TXK: variants seen among roughly 807,000 people sequenced by gnomAD.
TXK encodes TXK tyrosine kinase, also known as tyrosine-protein kinase TXK.
A neutral mutation model predicts 81.0 loss-of-function variants in TXK; 60 were observed. The observed-to-expected ratio is 0.74, with a 90% confidence interval of 0.60 to 0.92. TXK has a LOEUF of 0.92. Among genes scored for constraint, TXK ranks in the 40% least tolerant of loss-of-function variants. TXK has a pLI of 0.00. For synonymous variants in TXK, 203 were observed against 210.7 expected (o/e 0.96, Z 0.32); for missense variants, 581 against 638.3 (o/e 0.91, Z 0.97).
In TXK at chr4:48,113,237, C is replaced by T. The variant is rs200958317; in HGVS notation, c.144G>A (p.Pro48=). 11 of 1,613,324 alleles carry T rather than the reference C, an allele frequency of 6.8e-6. No homozygotes were observed. In the East Asian group the frequency reaches 1.3e-4, roughly 20 times the overall value. ...LPEKYTQRRR[P]WLSQLSNKKQ... is the part of the protein sequence containing the mutation. Reference sequence around the variant, plus strand: ...TCTTATTTGACAATTGGCTGAGCCACGGCCTGCGACGCTGGGTGTATTTTT... The same window carrying T: ...TCTTATTTGACAATTGGCTGAGCCATGGCCTGCGACGCTGGGTGTATTTTT... The change falls in exon 3 of 15, where the codon CCG becomes CCA. Residue 48 remains proline, a synonymous_variant. Transcript: ENST00000264316.
chr4:48,105,084 T>C, intron 5 of TXK, 129 bp from the exon 6 acceptor site: 1 of 590,880 alleles, frequency 1.7e-6, no homozygotes, highest in South Asian at 2.4e-5. Flanking sequence ...TTTTTTAAAT[T>C]CAGATAAACA....
chr4:48,120,428 C>G (rs900948706), intron 1 of TXK, among the ~76,000 whole-genome samples: 1 of 151,160 alleles, frequency 6.6e-6, no homozygotes, highest in Non-Finnish European at 1.5e-5. Context: ...AAACAAACTA[C>G]GCGTGATCTT....
At chr4:48,073,806 C>G (rs1716956023) in intron 13 of TXK, 129 bp downstream of exon 13, 2 of 648,518 alleles carry the variant, frequency 3.1e-6, no homozygotes, top group Non-Finnish European at 5.3e-6. Flanking sequence ...TTAGAACACA[C>G]AGAAGGAAGC....
chr4:48,068,282 T>C (rs1197802491), intron 14 of TXK, among the ~76,000 whole-genome samples: 1 of 152,034 alleles, frequency 6.6e-6, no homozygotes, highest in African/African-American at 2.4e-5. Flanking sequence ...ACTTGACATG[T>C]GTGAGGTAAA....
At chr4:48,117,275 G>C (rs1415515688) in intron 1 of TXK, among the ~76,000 whole-genome samples, 1 of 152,182 alleles carries the variant, frequency 6.6e-6, no homozygotes, top group Non-Finnish European at 1.5e-5. Flanking sequence ...TGGAGGAGGT[G>C]CCCAAATATC....
intron 1 of TXK, 28 bp from the exon 2 acceptor site, chr4:48,114,430 T>G: frequency 6.2e-7 from 1 of 1,612,636 alleles, no homozygotes; most frequent in Non-Finnish European, 8.5e-7. Flanking sequence ...TCTCAGCTGT[T>G]AGAAAGCCAT....
intron 5 of TXK, 130 bp downstream of exon 5, chr4:48,110,408 C>T (rs184277855): frequency 2.0e-5 from 13 of 651,452 alleles, no homozygotes; most frequent in African/African-American, 7.4e-5. Flanking sequence ...AAGGATCAAA[C>T]GTCTCTTTAT....
chr4:48,074,878 CAAAG>C (rs1007387111), intron 12 of TXK, among the ~76,000 whole-genome samples: 5 of 151,930 alleles, frequency 3.3e-5, no homozygotes, highest in African/African-American at 1.2e-4. Flanking sequence ...TAACAGAAAA[CAAAG>C]AGAGAAAAGC....
intron 1 of TXK, among the ~76,000 whole-genome samples, chr4:48,120,218 C>CATATATACGTATATATGTAT (rs1305227444): frequency 1.1e-5 from 1 of 91,676 alleles, no homozygotes; most frequent in African/African-American, 2.8e-5. Flanking sequence ...TATATATGTA[C>CATATATACGTATATATGTAT]ATATATACGT....
chr4:48,100,623 G>A lies in TXK; in HGVS notation c.501+4278C>T, dbSNP rs1718157396. ...ATAAATTGATACAACTCCTACTGAG[G>A]ACATTTCAATACCTGTTAAAATTAG... On this transcript the variant is annotated intron_variant, in intron 6 of 14. Coordinates refer to ENST00000264316, the MANE Select transcript of TXK (RefSeq NM_003328.3). 7.9e-5 allele frequency among the ~76,000 whole-genome samples: 12 copies of A among 152,228 alleles called. No homozygotes were observed. The South Asian group carries it at 2.5e-3, about 32-fold the overall frequency.
chr4:48,111,031 C>T (rs1334498953), intron 4 of TXK, among the ~76,000 whole-genome samples: 3 of 152,196 alleles, frequency 2.0e-5, no homozygotes, highest in African/African-American at 2.4e-5. Flanking sequence ...TCCTTGAACA[C>T]GCCTTCTTGT....
chr4:48,134,057 G>C, intron 1 of TXK, 98 bp downstream of exon 1: 1 of 1,369,282 alleles, frequency 7.3e-7, no homozygotes, highest in South Asian at 1.3e-5. Context: ...ATGTCCCCAA[G>C]CTCTATGCCT....
At chr4:48,070,802 C>T (rs1716816202) in intron 14 of TXK, among the ~76,000 whole-genome samples, 1 of 151,586 alleles carries the variant, frequency 6.6e-6, no homozygotes, top group South Asian at 2.1e-4. Flanking sequence ...TGGTCTCAAA[C>T]TCCTGACCTC....
intron 1 of TXK, among the ~76,000 whole-genome samples, chr4:48,133,316 G>A (rs73136299): frequency 0.024 from 3,645 of 152,022 alleles, 159 homozygotes; most frequent in African/African-American, 0.085. Flanking sequence ...AGTGTCTAGG[G>A]AATCTTTCTC....
Position 48,086,473 on chromosome 4 carries a change from C to T in TXK, c.949G>A (p.Val317Met). Residue 317 changes from valine to methionine, a missense_variant, in exon 10 of 15, where the codon GTG (valine) becomes ATG (methionine). Val to Met is a conservative substitution (Grantham distance 21, BLOSUM62 1). Coordinates refer to ENST00000264316, the MANE Select transcript of TXK (RefSeq NM_003328.3). ...GGTGTTGTTTATACGTACATCATCA[C>T]TTTGGCCTCTTCAATGAAATCCTCT... Reference protein sequence around the residue: ...SEEDFIEEAKVMMKLSHSKLV... With the variant: ...SEEDFIEEAKMMMKLSHSKLV... 4 of 1,614,026 alleles carry T rather than the reference C, an allele frequency of 2.5e-6. No individual in the cohort carries two copies. The highest frequency in any genetic ancestry group is 2.2e-5 in the South Asian group (2 of 91,072).
intron 13 of TXK, among the ~76,000 whole-genome samples, chr4:48,072,936 T>G (rs1408262141): frequency 6.6e-6 from 1 of 152,118 alleles, no homozygotes; most frequent in Non-Finnish European, 1.5e-5. Context: ...TATGTTTTAA[T>G]TTTTTTGAGG....
rs554280994 is a variant in TXK at position 48,134,080 on chromosome 4, A to C, written c.16+75T>G. The C allele has an allele frequency of 2.4e-5, 37 of 1,561,634 alleles. No individual in the cohort carries two copies. The East Asian group carries it at 3.4e-4, about 14-fold the overall frequency. On this transcript the variant is annotated intron_variant, in intron 1 of 14. Coordinates refer to ENST00000264316, the MANE Select transcript of TXK (RefSeq NM_003328.3). ...AAGCTCTATGCCTTGGAAAAAAAAA[A>C]CTTCCTCTGCTGTTCAAGAATAACA...
In TXK at chr4:48,073,621, C is replaced by T. The variant is rs984045742; in HGVS notation, c.1357+314G>A. ...TACACTCTAAACAATGTCATAAGATCATTTTTCCTTCAAGCCTCTGCGGAG... is the reference window on the plus strand; with the variant it reads ...TACACTCTAAACAATGTCATAAGATTATTTTTCCTTCAAGCCTCTGCGGAG... On this transcript the variant is annotated intron_variant, in intron 13 of 14. Coordinates refer to ENST00000264316, the MANE Select transcript of TXK (RefSeq NM_003328.3). 2.6e-5 allele frequency among the ~76,000 whole-genome samples: 4 copies of T among 152,310 alleles called. No homozygotes were observed. The East Asian group carries it at 5.8e-4, about 22-fold the overall frequency.
intron 5 of TXK, among the ~76,000 whole-genome samples, chr4:48,106,997 C>T (rs545694867): frequency 6.6e-6 from 1 of 152,198 alleles, no homozygotes; most frequent in African/African-American, 2.4e-5. Context: ...CATTTAAAGA[C>T]TTGCATAGGG....
Sources: allele counts gnomAD v4.1 joint callset (sites outside exome capture counted in the v4.1 genomes callset), GRCh38; gene constraint gnomAD v4.1.1; transcripts MANE v1.5; gene names NCBI Gene and HGNC (gene_info 2026-07-23, HGNC 2026-07-21).